Variants in PAK5 observed in about 807,000 individuals in gnomAD.
PAK5 encodes p21 (RAC1) activated kinase 5, also known as serine/threonine-protein kinase PAK 5.
PAK5 carries 16 observed loss-of-function variants against 65.9 expected under a neutral mutation model. The observed-to-expected ratio is 0.24, with a 90% CI of 0.16 to 0.37. The LOEUF is 0.37. PAK5 is among the 10% of genes least tolerant of loss of function. PAK5 has a pLI of 1.00. For missense variants in PAK5, 785 were observed against 903.9 expected (o/e 0.87, Z 1.69); for synonymous variants, 371 against 354.9 (o/e 1.05, Z -0.51).
At chr20:9,751,014 A>G (rs2048570366) in intron 1 of PAK5, among the ~76,000 whole-genome samples, 1 of 152,184 alleles carries the variant, frequency 6.6e-6, no homozygotes, top group African/African-American at 2.4e-5. Context: ...AAGTTCTCCC[A>G]GCTAGAAAAG....
Position 9,644,139 on chromosome 20 carries a change from G to A in PAK5, c.190C>T (p.Leu64=). Residue 64 remains leucine, a synonymous_variant, in exon 3 of 10, where the codon CTG becomes TTG. Transcript: ENST00000353224. ...CCTCACCATACCTTCATAGGAGCCA[G>A]CTGGATGGGTGTGATGCATGAAGGG... ...VDPSCITPIQ[L]APMKTIVRGN... 6 of 1,613,796 alleles carry A rather than the reference G, an allele frequency of 3.7e-6. No individual in the cohort carries two copies. The highest frequency in any genetic ancestry group is 4.2e-6 in the Non-Finnish European group (5 of 1,179,724).
intron 1 of PAK5, among the ~76,000 whole-genome samples, chr20:9,761,474 T>TTCAAAATTTTGCA (rs1477665753): frequency 6.6e-6 from 1 of 152,194 alleles, no homozygotes; most frequent in East Asian, 1.9e-4. Context: ...AATCTATAGA[T>TTCAAAATTTTGCA]TCAAAATTTT....
intron 1 of PAK5, among the ~76,000 whole-genome samples, chr20:9,802,671 A>G (rs2049182743): frequency 6.6e-6 from 1 of 151,788 alleles, no homozygotes; most frequent in African/African-American, 2.4e-5. Context: ...ACAAGGAAGA[A>G]AAATATAATC....
chr20:9,691,015 A>G (rs2047789628), intron 2 of PAK5, among the ~76,000 whole-genome samples: 1 of 151,880 alleles, frequency 6.6e-6, no homozygotes, highest in South Asian at 2.1e-4. Flanking sequence ...TCGGCCTCCC[A>G]AAGTGCTGGG....
intron 1 of PAK5, among the ~76,000 whole-genome samples, chr20:9,735,382 C>T (rs1248051978): frequency 6.6e-6 from 1 of 152,098 alleles, no homozygotes; most frequent in Non-Finnish European, 1.5e-5. Flanking sequence ...GAGTAGTGAT[C>T]AATTCAAGCA....
intron 1 of PAK5, among the ~76,000 whole-genome samples, chr20:9,798,291 T>G (rs113343805): frequency 1.3e-5 from 2 of 152,120 alleles, no homozygotes; most frequent in Admixed American, 6.6e-5. Flanking sequence ...GTGTGTAATG[T>G]AAAGATGGGA....
At chr20:9,803,884 C>A (rs1342410792) in intron 1 of PAK5, among the ~76,000 whole-genome samples, 1 of 151,944 alleles carries the variant, frequency 6.6e-6, no homozygotes, top group Non-Finnish European at 1.5e-5. Flanking sequence ...TTGTAAGGCA[C>A]CATAAATGAG....
intron 2 of PAK5, among the ~76,000 whole-genome samples, chr20:9,690,582 G>A (rs1207815414): frequency 6.6e-6 from 1 of 151,890 alleles, no homozygotes; most frequent in East Asian, 1.9e-4. Context: ...CTTCTCTGGA[G>A]AGAAGGTAAA....
chr20:9,599,029 C>T (rs553533686), intron 3 of PAK5, among the ~76,000 whole-genome samples: 3 of 152,072 alleles, frequency 2.0e-5, no homozygotes, highest in African/African-American at 4.8e-5. Flanking sequence ...CAATAATTCC[C>T]CTTCCCTCCA....
chr20:9,715,936 A>G (rs1008598431), intron 1 of PAK5, among the ~76,000 whole-genome samples: 3 of 151,792 alleles, frequency 2.0e-5, no homozygotes, highest in Non-Finnish European at 4.4e-5. Context: ...TAGGAGATAT[A>G]CCTAATGTAA....
intron 1 of PAK5, among the ~76,000 whole-genome samples, chr20:9,724,458 G>A (rs187350914): frequency 2.4e-4 from 36 of 152,274 alleles, no homozygotes; most frequent in African/African-American, 8.4e-4. Flanking sequence ...TCACTTGTTC[G>A]TGGACATTAT....
At chr20:9,641,087 T>C (rs2047052931) in intron 3 of PAK5, among the ~76,000 whole-genome samples, 1 of 152,074 alleles carries the variant, frequency 6.6e-6, no homozygotes, top group South Asian at 2.1e-4. Context: ...GATTGGTGCG[T>C]TTACAATCCC....
At chr20:9,597,088 G>C (rs1269728990) in intron 3 of PAK5, among the ~76,000 whole-genome samples, 1 of 152,196 alleles carries the variant, frequency 6.6e-6, no homozygotes, top group Admixed American at 6.5e-5. Context: ...CCTAGAGAGA[G>C]TGCTGGATTA....
chr20:9,787,721 C>T (rs932474113), intron 1 of PAK5, among the ~76,000 whole-genome samples: 1 of 150,820 alleles, frequency 6.6e-6, no homozygotes, highest in African/African-American at 2.4e-5. Context: ...AAAAAAAATT[C>T]TTGATACTGC....
chr20:9,762,143 C>T (rs917975000), intron 1 of PAK5, among the ~76,000 whole-genome samples: 3 of 152,114 alleles, frequency 2.0e-5, no homozygotes, highest in African/African-American at 7.2e-5. Context: ...AAATGTAACA[C>T]TTGAAGATGT....
chr20:9,752,081 G>A (rs1009377764), intron 1 of PAK5, among the ~76,000 whole-genome samples: 3 of 152,134 alleles, frequency 2.0e-5, no homozygotes, highest in Admixed American at 6.5e-5. Context: ...TATGAAGGAA[G>A]TACACAAAGC....
chr20:9,764,337 T>C (rs968318595), intron 1 of PAK5, among the ~76,000 whole-genome samples: 1 of 151,926 alleles, frequency 6.6e-6, no homozygotes, highest in Non-Finnish European at 1.5e-5. Flanking sequence ...ATTAGGTCCC[T>C]TTCTCAGTGT....
At chr20:9,670,870 T>C (rs892133572) in intron 2 of PAK5, among the ~76,000 whole-genome samples, 1 of 152,186 alleles carries the variant, frequency 6.6e-6, no homozygotes, top group African/African-American at 2.4e-5. Context: ...CTGAATGGTA[T>C]TGCCTAGGTT....
At chr20:9,763,901 T>C (rs141327854) in intron 1 of PAK5, among the ~76,000 whole-genome samples, 3,584 of 152,226 alleles carry the variant, frequency 0.024, 61 homozygotes, top group South Asian at 0.034. Flanking sequence ...AATATATGCG[T>C]ATCCTTTTTT....
Sources: gnomAD v4.1 joint callset for allele counts (sites outside exome capture counted in the v4.1 genomes callset) on GRCh38, gnomAD v4.1.1 for gene constraint, MANE v1.5 for transcripts, NCBI Gene and HGNC (gene_info 2026-07-23, HGNC 2026-07-21) for gene names.